Variants in P3H2 observed in about 807,000 individuals in gnomAD.
P3H2 encodes the protein leprecan-like 1.
In P3H2, 80 loss-of-function variants were observed where a neutral mutation model predicts 87.0. The ratio of observed to expected loss-of-function variants is 0.92; its 90% CI spans 0.77 to 1.11. P3H2 has a LOEUF of 1.11. Ranked by LOEUF, P3H2 falls within the 50% of genes least tolerant of loss-of-function variation. The pLI is 0.00. For synonymous variants in P3H2, 367 were observed against 359.3 expected (o/e 1.02, Z -0.24); for missense variants, 1,001 against 923.9 (o/e 1.08, Z -1.08).
chr3:190,079,960 G>C (rs767977442), intron 1 of P3H2, among the ~76,000 whole-genome samples: 1 of 152,208 alleles, frequency 6.6e-6, no homozygotes, highest in Non-Finnish European at 1.5e-5. Context: ...AAGTCATTAG[G>C]ACAGTGCTTG....
At chr3:190,085,165 T>C (rs1047253646) in intron 1 of P3H2, among the ~76,000 whole-genome samples, 3 of 152,140 alleles carry the variant, frequency 2.0e-5, no homozygotes, top group African/African-American at 7.2e-5. Context: ...AGAAAAATCA[T>C]GACTTTTGCT....
intron 1 of P3H2, among the ~76,000 whole-genome samples, chr3:190,053,196 T>C (rs1335081980): frequency 1.3e-5 from 2 of 152,178 alleles, no homozygotes; most frequent in African/African-American, 4.8e-5. Context: ...AAATAAATTT[T>C]CTAAAAACAT....
At position 189,987,629 on chromosome 3, in the gene P3H2, A is replaced by T. The variant is rs897479871; in HGVS notation, c.996T>A (p.Tyr332Ter). 6 of 1,614,184 alleles carry T rather than the reference A, an allele frequency of 3.7e-6. No homozygotes were observed. The highest frequency in any genetic ancestry group is 5.1e-6 in the Non-Finnish European group (6 of 1,180,024). Reference sequence around the variant, plus strand: ...CCTCATCATCTGGATGGCATAGAAGATAGGCTTTGGCACACTCCAGGGCTT... The same window carrying T: ...CCTCATCATCTGGATGGCATAGAAGTTAGGCTTTGGCACACTCCAGGGCTT... ...YVKALECAKA[Y>*]LLCHPDDEDV... The change falls in exon 5 of 15, where the codon TAT becomes TAA. Residue 332 changes from tyrosine to a stop codon, truncating the protein, a stop_gained. Transcript: ENST00000319332. LOFTEE classifies it high-confidence loss of function.
At chr3:189,973,472 A>T (rs1723238425) in intron 10 of P3H2, among the ~76,000 whole-genome samples, 1 of 143,784 alleles carries the variant, frequency 7.0e-6, no homozygotes, top group African/African-American at 2.6e-5. Flanking sequence ...CTGTCCTGAT[A>T]GGTATATATT....
At chr3:190,089,695 G>A (rs1727347686) in intron 1 of P3H2, among the ~76,000 whole-genome samples, 1 of 152,180 alleles carries the variant, frequency 6.6e-6, no homozygotes, top group Admixed American at 6.5e-5. Context: ...ACATGGGAGG[G>A]CAAGTATGTC....
chr3:190,036,191 CAT>C (rs1230092149), intron 1 of P3H2, among the ~76,000 whole-genome samples: 3 of 152,148 alleles, frequency 2.0e-5, no homozygotes, highest in African/African-American at 4.8e-5. Context: ...TGTATAACCA[CAT>C]CACTCTGCCT....
intron 1 of P3H2, among the ~76,000 whole-genome samples, chr3:190,002,369 T>G (rs983221081): frequency 1.3e-5 from 2 of 151,996 alleles, no homozygotes; most frequent in Non-Finnish European, 2.9e-5. Flanking sequence ...GTAACTATAT[T>G]ATATTATGTT....
At chr3:190,093,192 T>C (rs190757806) in intron 1 of P3H2, among the ~76,000 whole-genome samples, 7 of 152,354 alleles carry the variant, frequency 4.6e-5, no homozygotes, top group Non-Finnish European at 8.8e-5. Context: ...TTAGTTGTGA[T>C]CATGCAGTGC....
At chr3:190,091,046 T>C (rs759749404) in intron 1 of P3H2, among the ~76,000 whole-genome samples, 3 of 152,210 alleles carry the variant, frequency 2.0e-5, no homozygotes, top group Admixed American at 6.5e-5. Context: ...AACACAGGTA[T>C]TCAGTCTTAT....
upstream of P3H2, chr3:190,122,192 A>G (rs1390435955): frequency 6.6e-6 from 1 of 151,460 alleles, no homozygotes; most frequent in Non-Finnish European, 1.5e-5. Context: ...GCAATTTAGT[A>G]TATCCCTTAC....
intron 8 of P3H2, among the ~76,000 whole-genome samples, chr3:189,975,316 C>T (rs902170039): frequency 6.6e-6 from 1 of 152,162 alleles, no homozygotes; most frequent in Non-Finnish European, 1.5e-5. Context: ...CAGAGAGAGA[C>T]CACAAGTTTA....
At chr3:190,114,079 C>CAA (rs1220002187) in intron 1 of P3H2, among the ~76,000 whole-genome samples, 9 of 79,034 alleles carry the variant, frequency 1.1e-4, no homozygotes, top group Admixed American at 1.6e-4. Flanking sequence ...GACTCCGTCT[C>CAA]AAAAAAAAAA....
intron 3 of P3H2, among the ~76,000 whole-genome samples, chr3:189,990,306 C>A (rs1723838956): frequency 2.6e-5 from 4 of 152,094 alleles, no homozygotes. Flanking sequence ...ATTTGATTAG[C>A]ATGTTAGAAA....
At chr3:189,969,343 GGTCCCTCAGTTGTGACCATT>G in intron 13 of P3H2, 1 of 856,364 alleles carries the variant, frequency 1.2e-6, no homozygotes, top group South Asian at 1.4e-5. Context: ...GATAAAACGA[GGTCCCTCAGTTGTGACCATT>G]GTCCCCTTTG....
intron 1 of P3H2, among the ~76,000 whole-genome samples, chr3:190,098,112 CAT>C (rs1472361439): frequency 6.6e-6 from 1 of 152,148 alleles, no homozygotes; most frequent in Non-Finnish European, 1.5e-5. Context: ...TGCAAATTCT[CAT>C]ATGAGAAATT....
chr3:190,030,137 T>G (rs1024206863), intron 1 of P3H2, among the ~76,000 whole-genome samples: 1 of 152,086 alleles, frequency 6.6e-6, no homozygotes, highest in African/African-American at 2.4e-5. Context: ...AAAATAAATT[T>G]AAACATATAA....
At chr3:190,081,221 G>C (rs142268389) in intron 1 of P3H2, among the ~76,000 whole-genome samples, 8 of 152,238 alleles carry the variant, frequency 5.3e-5, no homozygotes, top group African/African-American at 1.7e-4. Context: ...CGTTTGTGTA[G>C]GCAAGGTAGT....
chr3:190,066,158 T>TATATATATATACACACACAC (rs1256956930), intron 1 of P3H2, among the ~76,000 whole-genome samples: 9 of 134,598 alleles, frequency 6.7e-5, no homozygotes, highest in African/African-American at 2.2e-4. Flanking sequence ...TATATATATA[T>TATATATATATACACACACAC]ACACACACAC....
At chr3:190,013,978 T>C (rs837675) in intron 1 of P3H2, among the ~76,000 whole-genome samples, 34,985 of 151,976 alleles carry the variant, frequency 0.23, 4,258 homozygotes, top group East Asian at 0.36. Context: ...ATATTTTTCC[T>C]GAAGAAAATT....
Sources: allele counts gnomAD v4.1 joint callset (sites outside exome capture counted in the v4.1 genomes callset), GRCh38; gene constraint gnomAD v4.1.1; transcripts MANE v1.5; gene names NCBI Gene and HGNC (gene_info 2026-07-23, HGNC 2026-07-21).